The following GRIK3 variants were observed in gnomAD, a reference collection of about 807,000 sequenced individuals.
GRIK3 encodes the protein glutamate receptor ionotropic, kainate 3.
Under a neutral mutation model 102.5 loss-of-function variants are expected in GRIK3, and 29 were observed. That is an observed-to-expected ratio of 0.28 (90% CI 0.21 to 0.39). The LOEUF (loss-of-function observed/expected upper bound fraction) is 0.39. GRIK3 is among the 10% of genes least tolerant of loss of function. GRIK3 has a pLI of 1.00. For missense variants in GRIK3, 908 were observed against 1,252.4 expected (o/e 0.73, Z 4.15); for synonymous variants, 511 against 504.9 (o/e 1.01, Z -0.16).
intron 1 of GRIK3, among the ~76,000 whole-genome samples, chr1:36,915,894 G>A (rs986784642): frequency 3.3e-5 from 5 of 152,096 alleles, no homozygotes; most frequent in Admixed American, 2.6e-4. Flanking sequence ...TACTGGGAGT[G>A]GTACGTTGCT....
rs1197504297 is a variant in GRIK3 at position 36,872,543 on chromosome 1, A to G, written c.551-174T>C. On this transcript the variant is annotated intron_variant, in intron 3 of 15. Coordinates refer to ENST00000373091, the MANE Select transcript of GRIK3 (RefSeq NM_000831.4). This position sits in a 1 kb window ranked among gnomAD's most constrained non-coding sequence, Gnocchi z 5.9. Reference sequence around the variant, plus strand: ...ACGTGCATGGACAACACTGGAGAGCAGGTGTGTGTGCACATACAAACACAT... The same window carrying G: ...ACGTGCATGGACAACACTGGAGAGCGGGTGTGTGTGCACATACAAACACAT... Among the ~76,000 whole-genome samples, 1 of 152,218 alleles carries G rather than the reference A, an allele frequency of 6.6e-6. No individual in the cohort carries two copies. Among genetic ancestry groups the G allele is most frequent in the Non-Finnish European group, 1.5e-5 (1 of 68,030 alleles).
chr1:37,002,660 T>C lies in GRIK3; in HGVS notation c.115+31334A>G, dbSNP rs566870274. On this transcript the variant is annotated intron_variant, in intron 1 of 15. Coordinates refer to ENST00000373091, the MANE Select transcript of GRIK3 (RefSeq NM_000831.4). ...TGGTTAGAAAGATGTTGCATTTATT[T>C]TCTTTCTTTCTTTTTTTTTTTTTTT... 1.2e-4 allele frequency among the ~76,000 whole-genome samples: 18 copies of C among 147,274 alleles called. 1 individual carries two copies. In the South Asian group the frequency reaches 3.8e-3, roughly 31 times the overall value.
chr1:36,979,350 T>C (rs1174940891), intron 1 of GRIK3, among the ~76,000 whole-genome samples: 1 of 152,232 alleles, frequency 6.6e-6, no homozygotes, highest in Non-Finnish European at 1.5e-5. Context: ...CCAGTTCTGG[T>C]CCATCCATAA....
At chr1:36,888,823 AC>A (rs1366734332) in intron 2 of GRIK3, among the ~76,000 whole-genome samples, 2 of 152,058 alleles carry the variant, frequency 1.3e-5, no homozygotes, top group Admixed American at 1.3e-4. Flanking sequence ...TCCTGCTTGT[AC>A]CACAACACTT....
intron 1 of GRIK3, among the ~76,000 whole-genome samples, chr1:37,015,870 C>T (rs1642648156): frequency 6.6e-6 from 1 of 152,254 alleles, no homozygotes; most frequent in Admixed American, 6.5e-5. Flanking sequence ...GCGAGGACTA[C>T]AGGGAGCGAA....
At chr1:36,825,051 C>T (rs369788039) in intron 11 of GRIK3, among the ~76,000 whole-genome samples, 8 of 152,150 alleles carry the variant, frequency 5.3e-5, no homozygotes, top group African/African-American at 9.7e-5. Flanking sequence ...AGCCAGGGTG[C>T]GCTATGTCTA....
chr1:37,008,417 G>A (rs1268129450), intron 1 of GRIK3, among the ~76,000 whole-genome samples: 3 of 152,254 alleles, frequency 2.0e-5, no homozygotes, highest in Non-Finnish European at 4.4e-5. Context: ...CAGATGGAGA[G>A]CGAACAAACG....
chr1:36,959,511 G>C (rs72670031), intron 1 of GRIK3, among the ~76,000 whole-genome samples: 9 of 102,350 alleles, frequency 8.8e-5, no homozygotes, highest in Non-Finnish European at 1.5e-4. Flanking sequence ...CCCTGTGACT[G>C]TGTGCCCTGT....
In GRIK3 at chr1:36,850,367, C is replaced by T; in HGVS notation, c.1270G>A (p.Gly424Ser). The T allele has an allele frequency of 6.2e-7, 1 of 1,613,762 alleles. No individual in the cohort carries two copies. Among genetic ancestry groups the T allele is most frequent in the Admixed American group, 1.7e-5 (1 of 59,990 alleles). The part of the protein sequence containing the change: ...LNITEVAKGR[G>S]PNVTDSLTNR... Reference sequence around the variant, plus strand: ...GTCAGAGAGTCGGTGACATTAGGGCCTCGGCCTTTGGCAACCTCAGTGATG... The same window carrying T: ...GTCAGAGAGTCGGTGACATTAGGGCTTCGGCCTTTGGCAACCTCAGTGATG... The change falls in exon 9 of 16, where the codon GGC (glycine) becomes AGC (serine). Residue 424 changes from glycine (G) to serine (S), a missense_variant. Transcript: ENST00000373091. The surrounding 1 kb of genome is among the most constrained non-coding windows in gnomAD (Gnocchi z 4.0).
intron 5 of GRIK3, among the ~76,000 whole-genome samples, chr1:36,866,730 T>C (rs1449587659): frequency 1.3e-5 from 2 of 151,376 alleles, no homozygotes; most frequent in Non-Finnish European, 2.9e-5. Flanking sequence ...AGTGGAAGAG[T>C]CTCAATTCTA....
chr1:37,021,975 G>C (rs1036702298), intron 1 of GRIK3, among the ~76,000 whole-genome samples: 1 of 152,210 alleles, frequency 6.6e-6, no homozygotes, highest in African/African-American at 2.4e-5. Flanking sequence ...CTGTGCTAGA[G>C]AAGCAAACTT....
In GRIK3 at chr1:36,869,735, A is replaced by G. The variant is rs764257055; in HGVS notation, c.786+13T>C. On this transcript the variant is annotated intron_variant, in intron 5 of 15. Transcript: ENST00000373091. Reference sequence around the variant, plus strand: ...CCACCCCTTTCCCGTGCCAGGACCCAGAGGTACATTACCAGAGTGGTGAAG... The same window carrying G: ...CCACCCCTTTCCCGTGCCAGGACCCGGAGGTACATTACCAGAGTGGTGAAG... The G allele has an allele frequency of 6.3e-7, 1 of 1,595,048 alleles. No homozygotes were observed. Among genetic ancestry groups the G allele is most frequent in the Non-Finnish European group, 8.6e-7 (1 of 1,162,660 alleles).
intron 1 of GRIK3, among the ~76,000 whole-genome samples, chr1:36,922,828 C>T (rs1641488834): frequency 6.6e-6 from 1 of 152,160 alleles, no homozygotes; most frequent in South Asian, 2.1e-4. Context: ...CTCCCTAAAC[C>T]CCTGAGCAGG....
chr1:37,010,370 T>C (rs1190394472), intron 1 of GRIK3, among the ~76,000 whole-genome samples: 1 of 152,252 alleles, frequency 6.6e-6, no homozygotes, highest in Non-Finnish European at 1.5e-5. Flanking sequence ...AGAGGTAATG[T>C]CTACTGAGTG....
intron 1 of GRIK3, among the ~76,000 whole-genome samples, chr1:36,912,018 T>C (rs1490004520): frequency 2.0e-5 from 3 of 152,076 alleles, no homozygotes; most frequent in African/African-American, 7.2e-5. Context: ...CCCTTCCCCA[T>C]CCAGCCCAGC....
intron 10 of GRIK3, among the ~76,000 whole-genome samples, chr1:36,834,894 A>G (rs899959290): frequency 6.6e-6 from 1 of 152,204 alleles, no homozygotes; most frequent in African/African-American, 2.4e-5. Context: ...CCATCCACCC[A>G]GACATGTGTC....
intron 1 of GRIK3, among the ~76,000 whole-genome samples, chr1:36,950,695 C>T (rs758825243): frequency 1.1e-4 from 17 of 152,248 alleles, no homozygotes; most frequent in Non-Finnish European, 2.1e-4. Flanking sequence ...AGGCAAGAGG[C>T]TACATGCGAT....
intron 1 of GRIK3, among the ~76,000 whole-genome samples, chr1:36,969,095 C>G (rs559725464): frequency 6.6e-6 from 1 of 152,318 alleles, no homozygotes; most frequent in African/African-American, 2.4e-5. Flanking sequence ...AGCAACCCTT[C>G]CAGAAAACCA....
At chr1:37,004,907 C>A (rs1159220450) in intron 1 of GRIK3, among the ~76,000 whole-genome samples, 1 of 152,246 alleles carries the variant, frequency 6.6e-6, no homozygotes, top group Non-Finnish European at 1.5e-5. Context: ...CCCGGCCCAG[C>A]ACTGCAGGAA....
Sources: gnomAD v4.1 joint callset for allele counts (sites outside exome capture counted in the v4.1 genomes callset) on GRCh38, gnomAD v4.1.1 for gene constraint, Gnocchi (gnomAD v3.1) non-coding constraint, MANE v1.5 for transcripts, NCBI Gene and HGNC (gene_info 2026-07-23, HGNC 2026-07-21) for gene names.